RABEP2: variants seen among roughly 807,000 people sequenced by gnomAD.
The protein encoded by RABEP2 is rabaptin, RAB GTPase binding effector protein 2, also known as rab GTPase-binding effector protein 2.
In RABEP2, 57 loss-of-function variants were observed where a neutral mutation model predicts 74.1. That is an observed-to-expected ratio of 0.77 (90% confidence interval 0.62 to 0.96). The LOEUF is 0.96. Among genes scored for constraint, RABEP2 ranks in the 40% least tolerant of loss-of-function variants. The probability of loss-of-function intolerance (pLI) is 0.00; values close to 1 mark genes in which losing one functional copy is unlikely to be tolerated. For synonymous variants in RABEP2, 351 were observed against 344.0 expected (o/e 1.02, Z -0.23); for missense variants, 692 against 756.3 (o/e 0.91, Z 1.00).
chr16:28,913,963 AAG>A (rs1329943256), intron 5 of RABEP2, among the ~76,000 whole-genome samples: 2 of 150,126 alleles, frequency 1.3e-5, no homozygotes, highest in Non-Finnish European at 3.0e-5. Flanking sequence ...AACTTTTGTA[AAG>A]AGACAGGGTC....
intron 1 of RABEP2, 138 bp from the exon 2 acceptor site, chr16:28,924,753 G>T: frequency 1.9e-6 from 1 of 534,594 alleles, no homozygotes; most frequent in Non-Finnish European, 3.2e-6. Context: ...ACCTGGCCCC[G>T]CCCCTGCCCC....
intron 10 of RABEP2, 34 bp downstream of exon 10, chr16:28,905,833 G>C (rs757155003): frequency 6.8e-6 from 11 of 1,613,952 alleles, no homozygotes; most frequent in Non-Finnish European, 9.3e-6. Flanking sequence ...GCCAGGGTGG[G>C]CGATCCCCAA....
chr16:28,917,306 C>G (rs1254018417), intron 3 of RABEP2, among the ~76,000 whole-genome samples: 1 of 152,256 alleles, frequency 6.6e-6, no homozygotes, highest in African/African-American at 2.4e-5. Context: ...ACAAGTTGTT[C>G]AAGGCAGAAA....
intron 7 of RABEP2, among the ~76,000 whole-genome samples, chr16:28,909,007 AT>A: frequency 7.6e-5 from 1 of 13,222 alleles, no homozygotes; most frequent in Middle Eastern, 0.071. Flanking sequence ...GTCTATATAT[AT>A]ATATATATAT....
rs746381443 is a variant in RABEP2 at position 28,905,988 on chromosome 16, C to T, written c.1423+31G>A. 2.4e-5 allele frequency: 39 copies of T among 1,610,012 alleles called. No homozygotes were observed. In the East Asian group the frequency reaches 4.7e-4, roughly 19 times the overall value. The stretch of plus-strand genomic sequence containing the variant: ...GCAAGGCCGACAGGGGCCCTGGGCC[C>T]GGGGCTGGGGGCTTGTGCCCCTCCC... On this transcript the variant is annotated intron_variant, in intron 9 of 12. Transcript: ENST00000358201.
intron 7 of RABEP2, 172 bp downstream of exon 7, chr16:28,910,716 G>A (rs1357133808): frequency 1.7e-6 from 1 of 593,186 alleles, no homozygotes; most frequent in Non-Finnish European, 3.0e-6. Context: ...TTCTGGCCAC[G>A]GCACCAGCTG....
intron 9 of RABEP2, 46 bp downstream of exon 9, chr16:28,905,973 C>G (rs1567494619): frequency 6.2e-7 from 1 of 1,611,436 alleles, no homozygotes; most frequent in Non-Finnish European, 8.5e-7. Context: ...GCAAGGCCGA[C>G]AGGGGCCCTG....
chr16:28,924,786 CG>C, intron 1 of RABEP2, 171 bp from the exon 2 acceptor site: 1 of 732,536 alleles, frequency 1.4e-6, no homozygotes, highest in Non-Finnish European at 2.4e-6. Flanking sequence ...CTCGCTCTGC[CG>C]GGTGCTGCCT....
rs748834926 is a variant in RABEP2 at position 28,910,905 on chromosome 16, G to A, written c.1072C>T (p.Arg358Trp). ...GTACTCACCATCTGCAGCTGCACCC[G>A]CTCCTGGGCCTGGCTCACGGTCCCT... is the stretch of plus-strand genomic sequence containing the variant. ...LQGTVSQAQERVQLQMAELVT... is the reference protein window; with the variant it reads ...LQGTVSQAQEWVQLQMAELVT... The change falls in exon 7 of 13, where the codon CGG (arginine) becomes TGG (tryptophan). Residue 358 changes from arginine (R) to tryptophan (W), a missense_variant. Transcript: ENST00000358201. The A allele has an allele frequency of 3.4e-5, 55 of 1,611,874 alleles. No individual in the cohort carries two copies. The East Asian group carries it at 3.8e-4, about 11-fold the overall frequency.
Position 28,904,816 on chromosome 16 carries a change from G to T in RABEP2, c.*127C>A. On this transcript the variant is annotated 3_prime_UTR_variant, in exon 13 of 13. Coordinates refer to ENST00000358201, the MANE Select transcript of RABEP2 (RefSeq NM_024816.3). ...GGAGGGCGGGGCGGTGGTGGCCCCC[G>T]TCAGTCCCCTCAACCCCAGTCTCAG... 1.3e-6 allele frequency: 1 copy of T among 762,530 alleles called. No homozygotes were observed. Among genetic ancestry groups the T allele is most frequent in the Non-Finnish European group, 2.1e-6 (1 of 480,292 alleles). The allele number at this position is 762,530 out of a possible 1,614,324, so 47.2% of individuals were successfully genotyped here. A position where few individuals can be genotyped will look rare whatever the true frequency, so the allele number is the denominator to read the frequency against.
Position 28,925,170 on chromosome 16 carries a change from A to G in RABEP2, c.-7T>C, listed in dbSNP as rs1045582543. ...CCGGCGCAGCTGCCGCCATTGCCTC[A>G]GCGCAAACGGCGGATTCCCGCACTC... On this transcript the variant is annotated 5_prime_UTR_variant, in exon 1 of 13. Transcript: ENST00000358201. 4 of 1,528,652 alleles carry G rather than the reference A, an allele frequency of 2.6e-6. No homozygotes were observed. The highest frequency in any genetic ancestry group is 2.0e-5 in the Admixed American group (1 of 49,516). 94.7% of individuals were successfully genotyped at this position (1,528,652 alleles called of 1,614,324 possible).
At position 28,914,474 on chromosome 16, in the gene RABEP2, G is replaced by A. The variant is rs1469881569; in HGVS notation, c.656C>T (p.Pro219Leu). 3.7e-6 allele frequency: 6 copies of A among 1,613,224 alleles called. No individual in the cohort carries two copies. The East Asian group carries it at 6.7e-5, about 18-fold the overall frequency. ...PLEELSGDGG[P>L]AAEAFAHNCD... ...GTTGTGAGCGAAGGCCTCAGCGGCT[G>A]GACCCCCATCTCCGCTCAGCTCCTC... The change falls in exon 5 of 13, where the codon CCA (proline) becomes CTA (leucine). Residue 219 changes from proline (P) to leucine (L), a missense_variant. Transcript: ENST00000358201.
Position 28,925,144 on chromosome 16 carries a change from A to G in RABEP2, c.20T>C (p.Val7Ala), listed in dbSNP as rs1349401852. 1 of 1,532,136 alleles carries G rather than the reference A, an allele frequency of 6.5e-7. No individual in the cohort carries two copies. The highest frequency in any genetic ancestry group is 8.7e-7 in the Non-Finnish European group (1 of 1,145,554). 94.9% of individuals were successfully genotyped at this position (1,532,136 alleles called of 1,614,324 possible). MAAAAP[V>A]AADDDERRRR... ...CCGCCGCTCATCGTCGTCCGCGGCC[A>G]CCGGCGCAGCTGCCGCCATTGCCTC... Residue 7 changes from valine to alanine, a missense_variant, in exon 1 of 13, where the codon GTG becomes GCG. Physicochemically the swap from Val to Ala is moderately conservative, Grantham distance 64. Transcript: ENST00000358201.
At chr16:28,905,988 CGGGGCTG>C (rs1567494638) in intron 9 of RABEP2, 24 bp downstream of exon 9, 7 of 1,610,130 alleles carry the variant, frequency 4.3e-6, no homozygotes, top group Admixed American at 1.7e-5. Context: ...GCCCTGGGCC[CGGGGCTG>C]GGGGCTTGTG....
Position 28,924,622 on chromosome 16 carries a change from G to C in RABEP2, c.62-7C>G, listed in dbSNP as rs1199487647. 4 of 1,605,344 alleles carry C rather than the reference G, an allele frequency of 2.5e-6. No individual in the cohort carries two copies. The highest frequency in any genetic ancestry group is 3.4e-6 in the Non-Finnish European group (4 of 1,177,790). ...GACCGGGAGTCCTCCAGTGCTGTGG[G>C]GGACAGGGATCAGCCTCTCTTCCCA... is the stretch of plus-strand genomic sequence containing the variant. On this transcript the variant is annotated splice_polypyrimidine_tract_variant and splice_region_variant and intron_variant, in intron 1 of 12. Coordinates refer to ENST00000358201, the MANE Select transcript of RABEP2 (RefSeq NM_024816.3).
At chr16:28,914,923 G>A (rs1424780041) in intron 3 of RABEP2, 141 bp from the exon 4 acceptor site, 22 of 686,534 alleles carry the variant, frequency 3.2e-5, no homozygotes, top group Non-Finnish European at 7.3e-6. Flanking sequence ...CCAGAGATAA[G>A]AACACAGAGG....
chr16:28,906,368 C>G (rs1375161093), intron 8 of RABEP2, among the ~76,000 whole-genome samples, 172 bp from the exon 9 acceptor site: 2 of 152,202 alleles, frequency 1.3e-5, no homozygotes, highest in Non-Finnish European at 2.9e-5. Flanking sequence ...AGGACAGGTG[C>G]GCTCCGGCCC....
At chr16:28,910,472 G>A (rs530078845) in intron 7 of RABEP2, 147 of 157,798 alleles carry the variant, frequency 9.3e-4, no homozygotes, top group Non-Finnish European at 1.5e-3. Context: ...TAGAGATGGG[G>A]TTTCCCTGTG....
rs371285704 is a variant in RABEP2, at chr16:28,914,212, C to T, written c.894+24G>A. The T allele has an allele frequency of 1.2e-4, 184 of 1,550,734 alleles. No individual in the cohort carries two copies. The African/African-American group carries it at 1.6e-3, about 13-fold the overall frequency. ...CAGCAGAGAGGGGGATGGTACACCC[C>T]GCCACCCTGCCCACAACACTCACCT... is the stretch of plus-strand genomic sequence containing the variant. On this transcript the variant is annotated intron_variant, in intron 5 of 12. Coordinates refer to ENST00000358201, the MANE Select transcript of RABEP2 (RefSeq NM_024816.3).
Sources: gnomAD v4.1 joint callset for allele counts (sites outside exome capture counted in the v4.1 genomes callset) on GRCh38, gnomAD v4.1.1 for gene constraint, MANE v1.5 for transcripts, NCBI Gene and HGNC (gene_info 2026-07-23, HGNC 2026-07-21) for gene names.